FAM114A2: variants seen among roughly 807,000 people sequenced by gnomAD.
The protein encoded by FAM114A2 is protein FAM114A2.
Under a neutral mutation model 58.4 loss-of-function variants are expected in FAM114A2, and 53 were observed. The ratio of observed to expected loss-of-function variants is 0.91; its 90% CI spans 0.73 to 1.14. The LOEUF is 1.14. Among genes scored for constraint, FAM114A2 ranks in the 50% most tolerant of loss-of-function variants. The pLI, the probability that FAM114A2 is intolerant of heterozygous loss-of-function variation, is 0.00. For synonymous variants in FAM114A2, 228 were observed against 211.4 expected (o/e 1.08, Z -0.68); for missense variants, 601 against 581.1 (o/e 1.03, Z -0.35).
At chr5:154,018,315 A>C (rs1771180345) in intron 8 of FAM114A2, among the ~76,000 whole-genome samples, 1 of 152,166 alleles carries the variant, frequency 6.6e-6, no homozygotes, top group Admixed American at 6.5e-5. Flanking sequence ...CCTAGAGGAG[A>C]CGGATAAATT....
Position 154,033,825 on chromosome 5 carries a change from G to A in FAM114A2, c.369C>T (p.Pro123=). 2 of 1,607,978 alleles carry A rather than the reference G, an allele frequency of 1.2e-6. No individual in the cohort carries two copies. The highest frequency in any genetic ancestry group is 1.1e-5 in the South Asian group (1 of 90,816). ...KAETSLGIPG[P]SEISTEVKYV... ...ACTTGACTTCAGTTGAAATTTCACTGGGACCAGGGATTCCAAGGGAAGTCT... is the reference window on the plus strand; with the variant it reads ...ACTTGACTTCAGTTGAAATTTCACTAGGACCAGGGATTCCAAGGGAAGTCT... The change falls in exon 4 of 14, where the codon CCC becomes CCT. Residue 123 remains proline (P), a synonymous_variant. Transcript: ENST00000351797.
chr5:153,992,342 G>A lies in FAM114A2; in HGVS notation c.*634C>T, dbSNP rs548571595. On this transcript the variant is annotated 3_prime_UTR_variant, in exon 14 of 14. Coordinates refer to ENST00000351797, the MANE Select transcript of FAM114A2 (RefSeq NM_018691.4). ...GAGGGGGAGCAATTTGAAGAAAAAGGGCACTTTGCTACAGTTAATTCACAT... is the reference window on the plus strand; with the variant it reads ...GAGGGGGAGCAATTTGAAGAAAAAGAGCACTTTGCTACAGTTAATTCACAT... The A allele has an allele frequency of 6.6e-6, 1 of 152,212 alleles. No individual in the cohort carries two copies. The highest frequency in any genetic ancestry group is 1.5e-5 in the Non-Finnish European group (1 of 68,010). The allele number at this position is 152,212 out of a possible 1,614,324, so 9.4% of individuals were successfully genotyped here. A position where few individuals can be genotyped will look rare whatever the true frequency, so the allele number is the denominator to read the frequency against.
chr5:154,003,057 A>C, intron 9 of FAM114A2, 88 bp from the exon 10 acceptor site: 1 of 1,192,794 alleles, frequency 8.4e-7, no homozygotes, highest in Non-Finnish European at 1.2e-6. Flanking sequence ...AGCATCCTAG[A>C]AGTAAGGGCT....
intron 9 of FAM114A2, among the ~76,000 whole-genome samples, chr5:154,010,197 C>T (rs1308615412): frequency 6.6e-6 from 1 of 152,094 alleles, no homozygotes; most frequent in Non-Finnish European, 1.5e-5. Context: ...TGTGAAAGCA[C>T]AAATGTTTGA....
chr5:153,991,568 G>C lies in FAM114A2; in HGVS notation c.*1408C>G, dbSNP rs1285686139. On this transcript the variant is annotated 3_prime_UTR_variant, in exon 14 of 14. Coordinates refer to ENST00000351797, the MANE Select transcript of FAM114A2 (RefSeq NM_018691.4). ...AATATAGGCAGAGTAACATTGTAGTGCTGTTGGTATACCTTTTTAAACCAA... is the reference window on the plus strand; with the variant it reads ...AATATAGGCAGAGTAACATTGTAGTCCTGTTGGTATACCTTTTTAAACCAA... The C allele has an allele frequency of 6.6e-6, 1 of 152,122 alleles. No homozygotes were observed. Among genetic ancestry groups the C allele is most frequent in the Non-Finnish European group, 1.5e-5 (1 of 68,016 alleles). The allele number at this position is 152,122 out of a possible 1,614,324, so 9.4% of individuals were successfully genotyped here.
At chr5:154,019,687 G>A (rs1163878802) in intron 8 of FAM114A2, among the ~76,000 whole-genome samples, 1 of 152,086 alleles carries the variant, frequency 6.6e-6, no homozygotes, top group Admixed American at 6.6e-5. Context: ...AAACAGGCAC[G>A]TAGTCCAATA....
intron 8 of FAM114A2, among the ~76,000 whole-genome samples, chr5:154,018,516 A>G (rs984841005): frequency 2.0e-5 from 3 of 152,130 alleles, no homozygotes; most frequent in Non-Finnish European, 4.4e-5. Context: ...TATTGATACT[A>G]TTTCACAAGA....
chr5:154,032,407 C>T (rs896356135), intron 4 of FAM114A2, among the ~76,000 whole-genome samples: 1 of 152,162 alleles, frequency 6.6e-6, no homozygotes, highest in African/African-American at 2.4e-5. Flanking sequence ...AAACATGGCC[C>T]TCTGTGGTAG....
In FAM114A2 at chr5:154,034,893, C is replaced by T; in HGVS notation, c.61G>A (p.Asp21Asn). ...LLTEAAPILE[D>N]GNCEPAKNSE... ...TTCTTGGCTGGCTCACAGTTTCCAT[C>T]TTCAAGGATGGGGGCTGCTTCAGTT... Residue 21 changes from aspartate to asparagine, a missense_variant, in exon 2 of 14, where the codon GAT (aspartate) becomes AAT (asparagine). Transcript: ENST00000351797. The T allele has an allele frequency of 6.2e-7, 1 of 1,614,020 alleles. No individual in the cohort carries two copies.
intron 1 of FAM114A2, among the ~76,000 whole-genome samples, chr5:154,035,768 C>CT (rs1379034160): frequency 6.6e-6 from 1 of 152,196 alleles, no homozygotes; most frequent in Non-Finnish European, 1.5e-5. Context: ...CTGCCATACT[C>CT]TTTTCCAGAC....
intron 9 of FAM114A2, among the ~76,000 whole-genome samples, chr5:154,009,554 C>T (rs545442143): frequency 4.9e-4 from 74 of 152,258 alleles, no homozygotes; most frequent in African/African-American, 1.6e-3. Flanking sequence ...TATGGTCTTA[C>T]AGTATCTCCT....
rs1358529027 is a variant in FAM114A2 at position 153,993,839 on chromosome 5, T to G, written c.1384-729A>C. Among the ~76,000 whole-genome samples the G allele has an allele frequency of 2.0e-5, 3 of 152,304 alleles. No individual in the cohort carries two copies. The East Asian group carries it at 5.8e-4, about 29-fold the overall frequency. On this transcript the variant is annotated intron_variant, in intron 13 of 13. Transcript: ENST00000351797. ...GGAGCCCATATCAAGTGATATTACC[T>G]TTTTAAAATTTATCAATGGCAAGTA...
At chr5:154,012,460 A>C (rs561412792) in intron 8 of FAM114A2, among the ~76,000 whole-genome samples, 3 of 152,250 alleles carry the variant, frequency 2.0e-5, no homozygotes, top group African/African-American at 7.2e-5. Flanking sequence ...ACTCTTGTAC[A>C]TAGAAATCTT....
rs372570000 is a variant in FAM114A2, at chr5:154,033,965, T to C, written c.311-82A>G. 1.8e-3 allele frequency: 1,506 copies of C among 847,850 alleles called. 34 individuals are homozygous for C. In the South Asian group the frequency reaches 0.022, roughly 12 times the overall value. 52.5% of individuals were successfully genotyped at this position (847,850 alleles called of 1,614,324 possible). A position where few individuals can be genotyped will look rare whatever the true frequency, so the allele number is the denominator to read the frequency against. On this transcript the variant is annotated intron_variant, in intron 3 of 13. Coordinates refer to ENST00000351797, the MANE Select transcript of FAM114A2 (RefSeq NM_018691.4). ...AAATCAAACTTGAAGATTTTTAAAA[T>C]CATTTAGGACCACAAGACATGTTAT...
intron 9 of FAM114A2, among the ~76,000 whole-genome samples, chr5:154,005,198 T>C (rs531438053): frequency 6.6e-6 from 1 of 152,276 alleles, no homozygotes; most frequent in South Asian, 2.1e-4. Flanking sequence ...CTGTTTTGGA[T>C]ATGGATATGA....
intron 11 of FAM114A2, 80 bp from the exon 12 acceptor site, chr5:153,997,955 A>C: frequency 1.2e-6 from 1 of 843,890 alleles, no homozygotes. Context: ...TCAGAAGAGA[A>C]CAAATCACTT....
At chr5:154,023,948 A>G (rs1475904166) in intron 8 of FAM114A2, among the ~76,000 whole-genome samples, 2 of 152,212 alleles carry the variant, frequency 1.3e-5, no homozygotes, top group Non-Finnish European at 2.9e-5. Context: ...TCCTGTCACA[A>G]GAAAGACTCT....
chr5:154,025,782 T>C (rs972982776), intron 8 of FAM114A2, among the ~76,000 whole-genome samples: 1 of 152,172 alleles, frequency 6.6e-6, no homozygotes, highest in African/African-American at 2.4e-5. Context: ...TAGAACTTAA[T>C]ATTCAGTTGC....
chr5:154,008,242 A>G (rs932638550), intron 9 of FAM114A2, among the ~76,000 whole-genome samples: 2 of 152,160 alleles, frequency 1.3e-5, no homozygotes, highest in Non-Finnish European at 2.9e-5. Context: ...TACCTATAAA[A>G]ACAGGTGAAT....
Sources: gnomAD v4.1 joint callset for allele counts (sites outside exome capture counted in the v4.1 genomes callset) on GRCh38, gnomAD v4.1.1 for gene constraint, MANE v1.5 for transcripts, NCBI Gene and HGNC (gene_info 2026-07-23, HGNC 2026-07-21) for gene names.